Variants in C9 observed in about 807,000 individuals in gnomAD.
The protein encoded by C9 is complement component C9.
Under a neutral mutation model 65.4 loss-of-function variants are expected in C9, and 63 were observed. That is an observed-to-expected ratio of 0.96 (90% CI 0.79 to 1.19). The LOEUF (loss-of-function observed/expected upper bound fraction) is 1.19. Ranked by LOEUF, C9 falls within the 50% of genes most tolerant of loss-of-function variation. The pLI is 0.00. For synonymous variants in C9, 229 were observed against 227.9 expected, an observed-to-expected ratio of 1.00 and a Z score of -0.04; for missense variants, 744 against 670.1, an observed-to-expected ratio of 1.11 and a Z score of -1.22.
At chr5:39,309,353 T>C (rs1382332417) in intron 7 of C9, among the ~76,000 whole-genome samples, 3 of 151,854 alleles carry the variant, frequency 2.0e-5, no homozygotes, top group Non-Finnish European at 4.4e-5. Context: ...AAGAAAAAAA[T>C]GAAATGAGGT....
chr5:39,345,991 T>C (rs140560540), intron 1 of C9, among the ~76,000 whole-genome samples: 3,360 of 152,236 alleles, frequency 0.022, 60 homozygotes, highest in Admixed American at 0.037. Flanking sequence ...AGACACAACA[T>C]ACCAGAATGT....
chr5:39,363,149 C>T (rs1163344661), intron 1 of C9, among the ~76,000 whole-genome samples: 1 of 152,194 alleles, frequency 6.6e-6, no homozygotes, highest in Non-Finnish European at 1.5e-5. Flanking sequence ...GCTAAAGCAA[C>T]TTGGAGGAAC....
At chr5:39,342,655 G>A (rs1754110549) in intron 1 of C9, among the ~76,000 whole-genome samples, 1 of 152,048 alleles carries the variant, frequency 6.6e-6, no homozygotes. Flanking sequence ...AAGCCAGCCA[G>A]CCCAGGCCCA....
intron 1 of C9, among the ~76,000 whole-genome samples, chr5:39,346,666 T>G (rs1097214): frequency 0.021 from 3,150 of 152,294 alleles, 116 homozygotes; most frequent in African/African-American, 0.072. Flanking sequence ...CCCTAACTCA[T>G]TTTATGAGGC....
At chr5:39,358,933 C>A (rs958324110) in intron 1 of C9, among the ~76,000 whole-genome samples, 9 of 150,022 alleles carry the variant, frequency 6.0e-5, no homozygotes, top group Non-Finnish European at 1.2e-4. Flanking sequence ...TACAGGGAGC[C>A]GAGATCGCGC....
At chr5:39,342,236 G>A (rs1230289984) in intron 1 of C9, 40 bp from the exon 2 acceptor site, 5 of 1,064,540 alleles carry the variant, frequency 4.7e-6, no homozygotes, top group Middle Eastern at 4.1e-4. Flanking sequence ...TGACCATTGT[G>A]TATATCTGTT....
chr5:39,347,345 T>G (rs1416555384), intron 1 of C9, among the ~76,000 whole-genome samples: 1 of 152,186 alleles, frequency 6.6e-6, no homozygotes, highest in African/African-American at 2.4e-5. Context: ...AAAATCAATG[T>G]GCAAAAATCC....
chr5:39,297,713 T>C (rs2111856411), intron 9 of C9, among the ~76,000 whole-genome samples: 1 of 151,682 alleles, frequency 6.6e-6, no homozygotes, highest in South Asian at 2.1e-4. Context: ...TTAAAATACA[T>C]AAAGCTCAAA....
intron 5 of C9, among the ~76,000 whole-genome samples, chr5:39,320,263 T>A (rs902199066): frequency 6.6e-6 from 1 of 151,188 alleles, no homozygotes; most frequent in Non-Finnish European, 1.5e-5. Flanking sequence ...GAAGACTAGA[T>A]GAAATCAGGA....
At chr5:39,344,951 C>G (rs1357165513) in intron 1 of C9, among the ~76,000 whole-genome samples, 1 of 152,162 alleles carries the variant, frequency 6.6e-6, no homozygotes, top group East Asian at 1.9e-4. Flanking sequence ...AAATATAATA[C>G]TTTACAGACA....
chr5:39,331,835 A>G, intron 4 of C9, 21 bp from the exon 5 acceptor site: 1 of 1,611,120 alleles, frequency 6.2e-7, no homozygotes, highest in Non-Finnish European at 8.5e-7. Flanking sequence ...ACAGAGTAGT[A>G]TCAGAAGTGG....
chr5:39,363,910 C>G (rs867149406), intron 1 of C9, among the ~76,000 whole-genome samples: 4 of 152,154 alleles, frequency 2.6e-5, no homozygotes, highest in African/African-American at 9.7e-5. Flanking sequence ...ATGCATGCCT[C>G]TGAACACAAC....
chr5:39,333,578 CTCTCCG>C (rs1165605561), intron 4 of C9, among the ~76,000 whole-genome samples: 6 of 142,650 alleles, frequency 4.2e-5, no homozygotes, highest in East Asian at 2.0e-4. Context: ...CTCCCTCTCC[CTCTCCG>C]TCTCCCTCTC....
At position 39,288,879 on chromosome 5, in the gene C9, CT is replaced by C; in HGVS notation, c.1488del (p.Ala497ProfsTer11). On this transcript the variant is annotated frameshift_variant, in exon 10 of 11. Transcript: ENST00000263408. LOFTEE classifies it high-confidence loss of function. ...NAHLKKQNLE[R>X]AIEDYINEFS... is the part of the protein sequence containing the mutation. ...AATTCATTGATATAGTCTTCAATGG[CT>C]CTTTCCAAGTTTTGTTTCTTTAGGT... The C allele has an allele frequency of 6.2e-7, 1 of 1,611,164 alleles. No individual in the cohort carries two copies. The highest frequency in any genetic ancestry group is 8.5e-7 in the Non-Finnish European group (1 of 1,177,798).
chr5:39,288,803 A>G lies in C9; in HGVS notation c.1565T>C (p.Met522Thr), dbSNP rs1226729564. 2 of 1,612,478 alleles carry G rather than the reference A, an allele frequency of 1.2e-6. No individual in the cohort carries two copies. Among genetic ancestry groups the G allele is most frequent in the Non-Finnish European group, 1.7e-6 (2 of 1,178,878 alleles). Residue 522 changes from methionine (M) to threonine (T), a missense_variant, in exon 10 of 11, where the codon ATG (methionine) becomes ACG (threonine). Physicochemically the swap from Met to Thr is moderately conservative, Grantham distance 81. Transcript: ENST00000263408. ...TCQNGGTVIL[M>T]DGKCLCACPF... is the part of the protein sequence containing the mutation. ...GCAGGCACACAAACACTTTCCATCC[A>G]TTAGAATCACTGTACCTCCATTTTG...
intron 5 of C9, among the ~76,000 whole-genome samples, chr5:39,317,638 A>G (rs1753592489): frequency 6.6e-6 from 1 of 152,112 alleles, no homozygotes; most frequent in Non-Finnish European, 1.5e-5. Context: ...GAGTTGTTGA[A>G]GATTAGATGG....
At chr5:39,315,643 G>T in intron 6 of C9, 132 bp downstream of exon 6, 1 of 678,030 alleles carries the variant, frequency 1.5e-6, no homozygotes, top group Non-Finnish European at 2.5e-6. Context: ...TCTTTCTGAC[G>T]TGCTAGCTAC....
Position 39,288,841 on chromosome 5 carries a change from T to C in C9, c.1527A>G (p.Lys509=). ...EDYINEFSVR[K]CHTCQNGGTV... ...TACCTCCATTTTGGCATGTGTGGCATTTTCTTACACTAAATTCATTGATAT... is the reference window on the plus strand; with the variant it reads ...TACCTCCATTTTGGCATGTGTGGCACTTTCTTACACTAAATTCATTGATAT... The change falls in exon 10 of 11, where the codon AAA becomes AAG. Residue 509 remains lysine (K), a synonymous_variant. Transcript: ENST00000263408. 6.2e-7 allele frequency: 1 copy of C among 1,610,982 alleles called. No homozygotes were observed. The highest frequency in any genetic ancestry group is 8.5e-7 in the Non-Finnish European group (1 of 1,177,512).
intron 10 of C9, among the ~76,000 whole-genome samples, chr5:39,286,398 T>C (rs1181100019): frequency 6.6e-6 from 1 of 151,976 alleles, no homozygotes; most frequent in Non-Finnish European, 1.5e-5. Context: ...CTGGAACAAT[T>C]TGAAAGAATT....
Sources: allele counts gnomAD v4.1 joint callset (sites outside exome capture counted in the v4.1 genomes callset), GRCh38; gene constraint gnomAD v4.1.1; transcripts MANE v1.5; gene names NCBI Gene and HGNC (gene_info 2026-07-23, HGNC 2026-07-21).